Variants in ERGIC3 observed in about 807,000 individuals in gnomAD.
ERGIC3 encodes ERGIC and golgi 3.
In ERGIC3, 33 loss-of-function variants were observed where a neutral mutation model predicts 54.7. The observed-to-expected ratio is 0.60, with a 90% CI of 0.46 to 0.81. The LOEUF is 0.81. ERGIC3 is among the 30% of genes least tolerant of loss of function. The pLI is 0.00. For missense variants in ERGIC3, 399 were observed against 488.4 expected (o/e 0.82, Z 1.73); for synonymous variants, 186 against 189.8 (o/e 0.98, Z 0.16).
chr20:35,542,654 T>C, intron 3 of ERGIC3, 54 bp downstream of exon 3: 2 of 1,607,094 alleles, frequency 1.2e-6, no homozygotes, highest in Non-Finnish European at 8.5e-7. Flanking sequence ...TCATGTGGGC[T>C]GCCAGATTCA....
At chr20:35,557,133 T>G in intron 11 of ERGIC3, 24 bp downstream of exon 11, 1 of 1,614,180 alleles carries the variant, frequency 6.2e-7, no homozygotes, top group Non-Finnish European at 8.5e-7. Context: ...CAAAGCGGCC[T>G]CTGGGGGCCT....
intron 4 of ERGIC3, chr20:35,544,013 ACTATCTATCTATCTATCTATCTAT>A (rs11468676): frequency 1.0e-4 from 19 of 187,878 alleles, no homozygotes; most frequent in African/African-American, 3.5e-4. Flanking sequence ...TGAAGAATCT[ACTATCTATCTATCTATCTATCTAT>A]CTATCTATCT....
Position 35,542,956 on chromosome 20 carries a change from G to A in ERGIC3, c.367+15G>A. On this transcript the variant is annotated intron_variant, in intron 4 of 12. Coordinates refer to ENST00000348547, the MANE Select transcript of ERGIC3 (RefSeq NM_015966.3). The stretch of plus-strand genomic sequence containing the variant: ...TGAGCGGCATGGTAACCAGGGGAGG[G>A]GGCCGGGTCTCAGATCCCAAAGCTG... 1 of 1,613,624 alleles carries A rather than the reference G, an allele frequency of 6.2e-7. No individual in the cohort carries two copies. Among genetic ancestry groups the A allele is most frequent in the South Asian group, 1.1e-5 (1 of 90,918 alleles).
rs2147310403 is a variant in ERGIC3 at position 35,555,045 on chromosome 20, C to T, written c.687C>T (p.Val229=). The change falls in exon 8 of 13, where the codon GTC becomes GTT. Residue 229 remains valine, a splice_region_variant and synonymous_variant. Transcript: ENST00000348547. ...GKSFQQSHVH[V]HDLQSFGLDN... ...CTTGCCTTCTCCCTTCTCTCCTAGT[C>T]CATGACTTGCAGAGCTTTGGCCTTG... 2 of 1,613,796 alleles carry T rather than the reference C, an allele frequency of 1.2e-6. No individual in the cohort carries two copies. The highest frequency in any genetic ancestry group is 2.2e-5 in the East Asian group (1 of 44,872).
chr20:35,549,401 A>G (rs2064669777), intron 7 of ERGIC3: 1 of 364,274 alleles, frequency 2.7e-6, no homozygotes, highest in African/African-American at 2.1e-5. Flanking sequence ...TGTTGGGGTG[A>G]ACAAATGAGA....
chr20:35,549,089 T>G (rs2064667950), intron 7 of ERGIC3: 1 of 662,540 alleles, frequency 1.5e-6, no homozygotes, highest in South Asian at 1.5e-5. Flanking sequence ...CTGTGTGACT[T>G]TGAGAAGGTT....
chr20:35,544,484 C>T, intron 4 of ERGIC3: 1 of 289,638 alleles, frequency 3.5e-6, no homozygotes, highest in South Asian at 4.0e-5. Context: ...TGCTCAGCTC[C>T]TCCTGCCTCC....
Position 35,542,859 on chromosome 20 carries a change from G to T in ERGIC3, c.285G>T (p.Gln95His). 3 of 1,614,130 alleles carry T rather than the reference G, an allele frequency of 1.9e-6. No homozygotes were observed. The highest frequency in any genetic ancestry group is 2.5e-6 in the Non-Finnish European group (3 of 1,180,030). Residue 95 changes from glutamine to histidine, a missense_variant, in exon 4 of 13, where the codon CAG (glutamine) becomes CAT (histidine). By Grantham distance (24) the Gln-to-His change is conservative. Coordinates refer to ENST00000348547, the MANE Select transcript of ERGIC3 (RefSeq NM_015966.3). ...SIDAMDVAGE[Q>H]QLDVEHNLFK... The stretch of plus-strand genomic sequence containing the variant: ...ATGCCATGGATGTGGCCGGAGAACA[G>T]CAGCTGGATGTGGAACACAACCTGT...
intron 7 of ERGIC3, among the ~76,000 whole-genome samples, chr20:35,553,977 T>A (rs1206935534): frequency 6.6e-6 from 1 of 152,188 alleles, no homozygotes; most frequent in Non-Finnish European, 1.5e-5. Flanking sequence ...CTAACATCCT[T>A]GTTGATTGGG....
At chr20:35,556,542 GGTCT>G in intron 10 of ERGIC3, 1 of 528,726 alleles carries the variant, frequency 1.9e-6, no homozygotes, top group Non-Finnish European at 3.4e-6. Context: ...TGTTCTCTGT[GGTCT>G]GCCTGGGCTG....
At chr20:35,542,480 G>A in intron 2 of ERGIC3, 33 bp from the exon 3 acceptor site, 1 of 1,613,898 alleles carries the variant, frequency 6.2e-7, no homozygotes, top group Admixed American at 1.7e-5. Flanking sequence ...GAGAGGTTTG[G>A]GGCTAAGTCT....
chr20:35,553,592 G>A (rs1456990203), intron 7 of ERGIC3, among the ~76,000 whole-genome samples: 1 of 151,714 alleles, frequency 6.6e-6, no homozygotes, highest in Non-Finnish European at 1.5e-5. Context: ...AAGTGAACAG[G>A]AAGAAAGGGC....
chr20:35,551,951 G>A (rs1469469153), intron 7 of ERGIC3, among the ~76,000 whole-genome samples: 1 of 152,172 alleles, frequency 6.6e-6, no homozygotes, highest in African/African-American at 2.4e-5. Flanking sequence ...ATGTGGAGTC[G>A]AGGGAGGCTT....
intron 4 of ERGIC3, chr20:35,547,118 C>T (rs757147967): frequency 3.7e-5 from 10 of 272,358 alleles, no homozygotes; most frequent in South Asian, 1.5e-4. Context: ...GGATAATTAC[C>T]GCCACCCTCA....
intron 7 of ERGIC3, among the ~76,000 whole-genome samples, chr20:35,550,587 G>T (rs747552564): frequency 2.0e-5 from 3 of 152,174 alleles, no homozygotes; most frequent in Admixed American, 6.5e-5. Flanking sequence ...TTGTACTCCA[G>T]CCTGGGTAAC....
intron 10 of ERGIC3, 143 bp from the exon 11 acceptor site, chr20:35,556,830 G>T (rs1357999884): frequency 4.3e-6 from 5 of 1,176,164 alleles, no homozygotes; most frequent in Non-Finnish European, 6.1e-6. Flanking sequence ...AGGCCTTGCA[G>T]TGCAGGCCAC....
intron 2 of ERGIC3, 33 bp from the exon 3 acceptor site, chr20:35,542,480 G>T (rs1026753380): frequency 2.5e-6 from 4 of 1,613,780 alleles, no homozygotes; most frequent in Non-Finnish European, 2.5e-6. Context: ...GAGAGGTTTG[G>T]GGCTAAGTCT....
chr20:35,547,842 ATCT>A (rs1409229140), intron 5 of ERGIC3, among the ~76,000 whole-genome samples: 2 of 152,140 alleles, frequency 1.3e-5, no homozygotes, highest in East Asian at 3.8e-4. Context: ...TGATAATAAC[ATCT>A]TCTCGTAAGA....
chr20:35,543,026 T>C (rs775998652), intron 4 of ERGIC3, 85 bp downstream of exon 4: 2 of 1,589,350 alleles, frequency 1.3e-6, no homozygotes, highest in Admixed American at 1.7e-5. Flanking sequence ...GTGGCAGGCA[T>C]AGTGATACAT....
Sources: allele counts gnomAD v4.1 joint callset (sites outside exome capture counted in the v4.1 genomes callset), GRCh38; gene constraint gnomAD v4.1.1; transcripts MANE v1.5; gene names NCBI Gene and HGNC (gene_info 2026-07-23, HGNC 2026-07-21).